EHHADH: variants seen among roughly 807,000 people sequenced by gnomAD.
EHHADH encodes peroxisomal bifunctional enzyme.
Under a neutral mutation model 64.4 loss-of-function variants are expected in EHHADH, and 48 were observed. The observed-to-expected ratio is 0.75, with a 90% CI of 0.59 to 0.95. The LOEUF is 0.95. Ranked by LOEUF, EHHADH falls within the 40% of genes least tolerant of loss-of-function variation. The pLI, the probability that EHHADH is intolerant of heterozygous loss-of-function variation, is 0.00. For synonymous variants in EHHADH, 308 were observed against 326.7 expected (o/e 0.94, Z 0.62); for missense variants, 854 against 876.6 (o/e 0.97, Z 0.33).
intron 1 of EHHADH, among the ~76,000 whole-genome samples, chr3:185,251,621 T>A (rs946468333): frequency 1.3e-5 from 2 of 150,376 alleles, no homozygotes; most frequent in African/African-American, 5.0e-5. Flanking sequence ...TGTGTGTGTG[T>A]GTGTGTGTGT....
intron 1 of EHHADH, among the ~76,000 whole-genome samples, chr3:185,250,927 G>T: frequency 6.6e-6 from 1 of 152,132 alleles, no homozygotes; most frequent in East Asian, 1.9e-4. Context: ...CCACTGAGGA[G>T]AAGAAACCAG....
chr3:185,223,302 A>G (rs1718885081), intron 4 of EHHADH, among the ~76,000 whole-genome samples: 2 of 152,268 alleles, frequency 1.3e-5, no homozygotes, highest in South Asian at 4.1e-4. Context: ...TTCAAAAAGA[A>G]ATTATTTTGG....
In EHHADH at chr3:185,191,633, C is replaced by T. The variant is rs1451381701; in HGVS notation, c.*593G>A. On this transcript the variant is annotated 3_prime_UTR_variant, in exon 7 of 7. Coordinates refer to ENST00000231887, the MANE Select transcript of EHHADH (RefSeq NM_001966.4). Reference sequence around the variant, plus strand: ...TAGAAGGTTAGATGTTCTCTAAGACCCTTCTTACACTAAGTTAACGACTTA... The same window carrying T: ...TAGAAGGTTAGATGTTCTCTAAGACTCTTCTTACACTAAGTTAACGACTTA... The T allele has an allele frequency of 6.6e-6, 1 of 152,488 alleles. No homozygotes were observed. The highest frequency in any genetic ancestry group is 1.5e-5 in the Non-Finnish European group (1 of 68,370). 9.4% of individuals were successfully genotyped at this position (152,488 alleles called of 1,614,324 possible). A position where few individuals can be genotyped will look rare whatever the true frequency, so the allele number is the denominator to read the frequency against.
Sources: gnomAD v4.1 joint callset for allele counts (sites outside exome capture counted in the v4.1 genomes callset) on GRCh38, gnomAD v4.1.1 for gene constraint, MANE v1.5 for transcripts, NCBI Gene and HGNC (gene_info 2026-07-23, HGNC 2026-07-21) for gene names.